The following NUMBL variants were observed in gnomAD, a reference collection of about 807,000 sequenced individuals.
NUMBL encodes the protein NUMB like endocytic adaptor protein, also known as numb-like protein.
A neutral mutation model predicts 48.9 loss-of-function variants in NUMBL; 20 were observed. The ratio of observed to expected loss-of-function variants is 0.41; its 90% CI spans 0.29 to 0.59. NUMBL has a LOEUF of 0.59. Among genes scored for constraint, NUMBL ranks in the 20% least tolerant of loss-of-function variants. The pLI, the probability that NUMBL is intolerant of heterozygous loss-of-function variation, is 0.31. For synonymous variants in NUMBL, 340 were observed against 348.7 expected (o/e 0.98, Z 0.28); for missense variants, 660 against 846.2 (o/e 0.78, Z 2.73).
Position 40,677,287 on chromosome 19 carries a change from G to A in NUMBL, c.675C>T (p.Phe225=). 1 of 1,606,888 alleles carries A rather than the reference G, an allele frequency of 6.2e-7. No individual in the cohort carries two copies. The highest frequency in any genetic ancestry group is 8.5e-7 in the Non-Finnish European group (1 of 1,177,358). ...CAGGCCGCCCACCCCCAGACAGGCG[G>A]AAGGAGCCCTCGCGGGCGAAGCTGG... ...SRTSFAREGS[F]RLSGGGRPAE... is the part of the protein sequence containing the mutation. The change falls in exon 7 of 10, where the codon TTC becomes TTT. Residue 225 remains phenylalanine, a synonymous_variant. Coordinates refer to ENST00000252891, the MANE Select transcript of NUMBL (RefSeq NM_004756.5).
Position 40,682,993 on chromosome 19 carries a change from G to GT in NUMBL, c.250-26_250-25insA. The GT allele has an allele frequency of 1.2e-6, 2 of 1,606,832 alleles. No individual in the cohort carries two copies. Among genetic ancestry groups the GT allele is most frequent in the Non-Finnish European group, 1.7e-6 (2 of 1,173,710 alleles). ...ACTTGGGTTGGAGGGAATGGGGGGGGGGACATGAAACAGCACAGTAATCAC... is the reference window on the plus strand; with the variant it reads ...ACTTGGGTTGGAGGGAATGGGGGGGGTGGACATGAAACAGCACAGTAATCAC... On this transcript the variant is annotated intron_variant, in intron 3 of 9. Coordinates refer to ENST00000252891, the MANE Select transcript of NUMBL (RefSeq NM_004756.5). The surrounding 1 kb of genome is among the most constrained non-coding windows in gnomAD (Gnocchi z 4.0).
In NUMBL at chr19:40,673,670, G is replaced by A. The variant is rs1343961790; in HGVS notation, c.731-21C>T. On this transcript the variant is annotated intron_variant, in intron 7 of 9. Coordinates refer to ENST00000252891, the MANE Select transcript of NUMBL (RefSeq NM_004756.5). This position sits in a 1 kb window ranked among gnomAD's most constrained non-coding sequence, Gnocchi z 5.9. ...CTCTGCTGGAGACATGGGGGAGATG[G>A]ATGGTTAGATATCTCACCATGGCAT... The A allele has an allele frequency of 2.1e-6, 3 of 1,458,558 alleles. No homozygotes were observed. Among genetic ancestry groups the A allele is most frequent in the Non-Finnish European group, 2.7e-6 (3 of 1,103,120 alleles). 90.4% of individuals were successfully genotyped at this position (1,458,558 alleles called of 1,614,324 possible).
chr19:40,669,006 C>G (rs959373452), intron 9 of NUMBL, among the ~76,000 whole-genome samples: 1 of 152,048 alleles, frequency 6.6e-6, no homozygotes, highest in African/African-American at 2.4e-5. Context: ...ATACATGGTT[C>G]TCAAGGATTC....
In NUMBL at chr19:40,682,203, C is replaced by A. The variant is rs151072129; in HGVS notation, c.399+525G>T. Among the ~76,000 whole-genome samples the A allele has an allele frequency of 4.0e-5, 6 of 151,876 alleles. No homozygotes were observed. The highest frequency in any genetic ancestry group is 7.4e-5 in the Non-Finnish European group (5 of 67,958). ...GTGCAATGGCATGATCTCCGCTCACCGCAACCTCCAAGTCTCGGGTTCAAG... is the reference window on the plus strand; with the variant it reads ...GTGCAATGGCATGATCTCCGCTCACAGCAACCTCCAAGTCTCGGGTTCAAG... On this transcript the variant is annotated intron_variant, in intron 5 of 9. Coordinates refer to ENST00000252891, the MANE Select transcript of NUMBL (RefSeq NM_004756.5). The surrounding 1 kb of genome is among the most constrained non-coding windows in gnomAD (Gnocchi z 4.0).
Position 40,667,694 on chromosome 19 carries a change from C to T in NUMBL, c.1604G>A (p.Gly535Glu), listed in dbSNP as rs769229011. Residue 535 changes from glycine to glutamate, a missense_variant, in exon 10 of 10, where the codon GGG becomes GAG. By Grantham distance (98) the Gly-to-Glu change is moderately conservative. Around this residue, in one of 3 missense-constraint regions of NUMBL, gnomAD observed 296 missense variants for 339.7 expected, o/e 0.87. Coordinates refer to ENST00000252891, the MANE Select transcript of NUMBL (RefSeq NM_004756.5). The surrounding 1 kb of genome is among the most constrained non-coding windows in gnomAD (Gnocchi z 6.1). ...QLQPQPATLL[G>E]KAGAFPPPAI... ...AGGGGGCGGGAAGGCCCCAGCTTTC[C>T]CAAGCAGAGTGGCAGGCTGAGGCTG... 6.3e-7 allele frequency: 1 copy of T among 1,576,878 alleles called. No individual in the cohort carries two copies. The highest frequency in any genetic ancestry group is 1.8e-5 in the Admixed American group (1 of 54,206).
At position 40,686,916 on chromosome 19, in the gene NUMBL, T is replaced by TC; in HGVS notation, c.103dup (p.Glu35GlyfsTer66). 1 of 1,540,964 alleles carries TC rather than the reference T, an allele frequency of 6.5e-7. No homozygotes were observed. Among genetic ancestry groups the TC allele is most frequent in the Non-Finnish European group, 8.8e-7 (1 of 1,137,902 alleles). ...GTCCCAGGCTGGTCGCTCACCTGGC[T>TC]CCGTCCTGCAGGTTTCTGGGGGCCC... On this transcript the variant is annotated frameshift_variant, in exon 2 of 10. Transcript: ENST00000252891. LOFTEE classifies it high-confidence loss of function.
At position 40,680,913 on chromosome 19, in the gene NUMBL, T is replaced by C. The variant is rs2081901893; in HGVS notation, c.540+4A>G. The C allele has an allele frequency of 1.2e-6, 2 of 1,614,028 alleles. No homozygotes were observed. Among genetic ancestry groups the C allele is most frequent in the African/African-American group, 2.7e-5 (2 of 74,908 alleles). ...AAGAGTTGGCCAGCTGTGGCAATAC[T>C]CACGGAGTCCTTCAGTGCCAGAAAA... On this transcript the variant is annotated splice_donor_region_variant and intron_variant, in intron 6 of 9. Transcript: ENST00000252891.
In NUMBL at chr19:40,667,977, GCT is replaced by G. The variant is rs1303698348; in HGVS notation, c.1319_1320del (p.Gln440ProfsTer31). On this transcript the variant is annotated frameshift_variant, in exon 10 of 10. Transcript: ENST00000252891. LOFTEE classifies it low-confidence loss of function (END_TRUNC). The surrounding 1 kb of genome is among the most constrained non-coding windows in gnomAD (Gnocchi z 6.1). ...GAGGCTGCTTGCTGCTGTTGCTGCT[GCT>G]GCTGCTGCTGCTGTTGCTGTTGCTG... ...QQQQQQQQQQ[Q>X]QQQQQQAASV... The G allele has an allele frequency of 6.8e-7, 1 of 1,471,470 alleles. No homozygotes were observed. Among genetic ancestry groups the G allele is most frequent in the Non-Finnish European group, 9.0e-7 (1 of 1,114,686 alleles). 91.2% of individuals were successfully genotyped at this position (1,471,470 alleles called of 1,614,324 possible).
In NUMBL at chr19:40,666,336, C is replaced by T. The variant is rs2081807418; in HGVS notation, c.*1132G>A. On this transcript the variant is annotated 3_prime_UTR_variant, in exon 10 of 10. Transcript: ENST00000252891. ...TGAATTTTTGGTAGAGACTGGGTTT[C>T]TCCATGGCGGCCAGGCTGGTCTCGA... 6.6e-6 allele frequency: 1 copy of T among 152,082 alleles called. No homozygotes were observed. The highest frequency in any genetic ancestry group is 2.4e-5 in the African/African-American group (1 of 41,418). 9.4% of individuals were successfully genotyped at this position (152,082 alleles called of 1,614,324 possible). A position where few individuals can be genotyped will look rare whatever the true frequency, so the allele number is the denominator to read the frequency against.
Position 40,666,737 on chromosome 19 carries a change from A to G in NUMBL, c.*731T>C, listed in dbSNP as rs1345047430. 6.5e-6 allele frequency: 1 copy of G among 152,722 alleles called. No homozygotes were observed. Among genetic ancestry groups the G allele is most frequent in the East Asian group, 1.9e-4 (1 of 5,200 alleles). The allele number at this position is 152,722 out of a possible 1,614,324, so 9.5% of individuals were successfully genotyped here. On this transcript the variant is annotated 3_prime_UTR_variant, in exon 10 of 10. Transcript: ENST00000252891. ...TGTCCTTGTATAATACAAATCTTCAAGTTTAGATACAAAAAAAATCTGGAA... is the reference window on the plus strand; with the variant it reads ...TGTCCTTGTATAATACAAATCTTCAGGTTTAGATACAAAAAAAATCTGGAA...
chr19:40,678,160 CTTAT>C (rs556374091), intron 6 of NUMBL, among the ~76,000 whole-genome samples: 121 of 152,000 alleles, frequency 8.0e-4, no homozygotes, highest in African/African-American at 2.8e-3. Flanking sequence ...AATTAATGCC[CTTAT>C]TTATTTATTT....
chr19:40,665,959 A>G lies in NUMBL; in HGVS notation c.*1509T>C, dbSNP rs756371096. The G allele has an allele frequency of 2.0e-5, 3 of 152,216 alleles. No individual in the cohort carries two copies. Among genetic ancestry groups the G allele is most frequent in the Admixed American group, 6.6e-5 (1 of 15,262 alleles). 9.4% of individuals were successfully genotyped at this position (152,216 alleles called of 1,614,324 possible). A position where few individuals can be genotyped will look rare whatever the true frequency, so the allele number is the denominator to read the frequency against. Reference sequence around the variant, plus strand: ...ATATGTTATATATTTTTAAAAATACATCTTATAGATTAAAGGACTCAAGAA... The same window carrying G: ...ATATGTTATATATTTTTAAAAATACGTCTTATAGATTAAAGGACTCAAGAA... On this transcript the variant is annotated 3_prime_UTR_variant, in exon 10 of 10. Transcript: ENST00000252891.
At chr19:40,685,218 T>C (rs2081928240) in intron 2 of NUMBL, 1 of 154,222 alleles carries the variant, frequency 6.5e-6, no homozygotes, top group Non-Finnish European at 1.5e-5. Flanking sequence ...GGAGTGGGTG[T>C]GGAGGTGGCC....
intron 8 of NUMBL, among the ~76,000 whole-genome samples, chr19:40,671,152 A>T (rs888580567): frequency 4.6e-5 from 7 of 151,774 alleles, no homozygotes; most frequent in Non-Finnish European, 1.0e-4. Context: ...AATTTTTAAA[A>T]TTTTTTTGTG....
chr19:40,678,992 G>A (rs1177940699), intron 6 of NUMBL, among the ~76,000 whole-genome samples: 1 of 152,144 alleles, frequency 6.6e-6, no homozygotes, highest in Non-Finnish European at 1.5e-5. Flanking sequence ...TAGGGAGGCT[G>A]TGGCAGGAGA....
chr19:40,690,590 CCCGGGG>C lies in NUMBL; in HGVS notation c.-113_-108del. ...CAGCTCGGTCTGACGCCGGCCAGGGCCCGGGGCCGGGGGATGGTGCGGGATGCACGC... is the reference window on the plus strand; with the variant it reads ...CAGCTCGGTCTGACGCCGGCCAGGGCCCGGGGGATGGTGCGGGATGCACGC... On this transcript the variant is annotated 5_prime_UTR_variant, in exon 1 of 10. Coordinates refer to ENST00000252891, the MANE Select transcript of NUMBL (RefSeq NM_004756.5). 1 of 620,550 alleles carries C rather than the reference CCCGGGG, an allele frequency of 1.6e-6. No homozygotes were observed. Among genetic ancestry groups the C allele is most frequent in the Non-Finnish European group, 2.3e-6 (1 of 436,542 alleles). 38.4% of individuals were successfully genotyped at this position (620,550 alleles called of 1,614,324 possible).
chr19:40,667,817 T>C lies in NUMBL; in HGVS notation c.1481A>G (p.Tyr494Cys), dbSNP rs770667494. 4 of 1,585,952 alleles carry C rather than the reference T, an allele frequency of 2.5e-6. No individual in the cohort carries two copies. Among genetic ancestry groups the C allele is most frequent in the Non-Finnish European group, 2.6e-6 (3 of 1,166,720 alleles). ...PHMQPPFVPA[Y>C]PGLGYPPMPR... Reference sequence around the variant, plus strand: ...CATCGGTGGGTAGCCCAAGCCCGGGTAGGCGGGCACAAAAGGGGGCTGCAT... The same window carrying C: ...CATCGGTGGGTAGCCCAAGCCCGGGCAGGCGGGCACAAAAGGGGGCTGCAT... Residue 494 changes from tyrosine to cysteine, a missense_variant, in exon 10 of 10, where the codon TAC (tyrosine) becomes TGC (cysteine). By Grantham distance (194) the Tyr-to-Cys change is radical. Transcript: ENST00000252891. The surrounding 1 kb of genome is among the most constrained non-coding windows in gnomAD (Gnocchi z 6.1).
intron 7 of NUMBL, among the ~76,000 whole-genome samples, chr19:40,675,124 C>CA (rs2081867834): frequency 9.2e-6 from 1 of 108,608 alleles, no homozygotes; most frequent in African/African-American, 3.7e-5. Context: ...GCCTGGGCAA[C>CA]AGAGCAAGAC....
At position 40,687,137 on chromosome 19, in the gene NUMBL, C is replaced by T; in HGVS notation, c.25-142G>A. The stretch of plus-strand genomic sequence containing the variant: ...GTCCTAGTTGTCCTAGCAACTGTTA[C>T]CAGGGAGATCAGCCACCTGGTTCCA... On this transcript the variant is annotated intron_variant, in intron 1 of 9. Transcript: ENST00000252891. The surrounding 1 kb of genome is among the most constrained non-coding windows in gnomAD (Gnocchi z 4.6). 1.7e-6 allele frequency: 1 copy of T among 579,780 alleles called. No individual in the cohort carries two copies. The highest frequency in any genetic ancestry group is 3.0e-6 in the Non-Finnish European group (1 of 332,182). 35.9% of individuals were successfully genotyped at this position (579,780 alleles called of 1,614,324 possible). A position where few individuals can be genotyped will look rare whatever the true frequency, so the allele number is the denominator to read the frequency against.
Sources: gnomAD v4.1 joint callset for allele counts (sites outside exome capture counted in the v4.1 genomes callset) on GRCh38, gnomAD v4.1.1 for gene constraint, gnomAD v4.1.1 regional missense constraint, Gnocchi (gnomAD v3.1) non-coding constraint, MANE v1.5 for transcripts, NCBI Gene and HGNC (gene_info 2026-07-23, HGNC 2026-07-21) for gene names.